Variants in LTK observed in about 807,000 individuals in gnomAD.
LTK encodes leukocyte tyrosine kinase receptor.
In LTK, 117 loss-of-function variants were observed where a neutral mutation model predicts 101.5. That is an observed-to-expected ratio of 1.15 (90% CI 0.99 to 1.34). The LOEUF (loss-of-function observed/expected upper bound fraction) is 1.34. Ranked by LOEUF, LTK falls within the 40% of genes most tolerant of loss-of-function variation. The pLI is 0.00. For missense variants in LTK, 1,252 were observed against 1,164.7 expected (o/e 1.07, Z -1.09); for synonymous variants, 563 against 494.2 (o/e 1.14, Z -1.85).
Position 41,508,251 on chromosome 15 carries a change from T to G in LTK, c.1097-30A>C, listed in dbSNP as rs779605092. 11 of 1,593,030 alleles carry G rather than the reference T, an allele frequency of 6.9e-6. No individual in the cohort carries two copies. In the South Asian group the frequency reaches 1.1e-4, roughly 16 times the overall value. ...GAGTAAAAGAACTGATATGATATGG[T>G]GTGGTAGGGCTGGGATATAGTAAAT... On this transcript the variant is annotated intron_variant, in intron 8 of 19. Transcript: ENST00000263800.
In LTK at chr15:41,512,252, C is replaced by A. The variant is rs1310595333; in HGVS notation, c.373G>T (p.Gly125Ter). ...GPGQYLISAY[G>*]AAGGKGAKNH... ...TTGGCGCCTTTGCCGCCCGCGGCTC[C>A]GTAGGCTGAGATCCTGCGGGGAACG... is the stretch of plus-strand genomic sequence containing the variant. The change falls in exon 4 of 20, where the codon GGA becomes TGA. Residue 125 changes from glycine (G) to a stop codon, truncating the protein, a stop_gained. Transcript: ENST00000263800. LOFTEE classifies it high-confidence loss of function. The A allele has an allele frequency of 1.2e-6, 2 of 1,612,258 alleles. No homozygotes were observed. The highest frequency in any genetic ancestry group is 2.7e-5 in the African/African-American group (2 of 74,902).
At chr15:41,504,734 G>C in intron 17 of LTK, 39 bp downstream of exon 17, 4 of 1,602,902 alleles carry the variant, frequency 2.5e-6, no homozygotes, top group Non-Finnish European at 3.4e-6. Flanking sequence ...CCTCAGGGGA[G>C]GGGAACAGTG....
Position 41,511,199 on chromosome 15 carries a change from G to T in LTK, c.962C>A (p.Ala321Asp). 1 of 1,394,746 alleles carries T rather than the reference G, an allele frequency of 7.2e-7. No individual in the cohort carries two copies. The highest frequency in any genetic ancestry group is 9.2e-7 in the Non-Finnish European group (1 of 1,081,346). The allele number at this position is 1,394,746 out of a possible 1,614,324, so 86.4% of individuals were successfully genotyped here. A position where few individuals can be genotyped will look rare whatever the true frequency, so the allele number is the denominator to read the frequency against. ...AAGGFGGGGG[A>D]CTAGGGGGGY... The stretch of plus-strand genomic sequence containing the variant: ...GCCGCCGCCTCCGCCCGCAGTGCAG[G>T]CCCCGCCGCCGCCCCCGAAGCCGCC... Residue 321 changes from alanine to aspartate, a missense_variant, in exon 7 of 20, where the codon GCC becomes GAC. By Grantham distance (126) the Ala-to-Asp change is moderately radical. Transcript: ENST00000263800. This position sits in a 1 kb window ranked among gnomAD's most constrained non-coding sequence, Gnocchi z 5.9.
In LTK at chr15:41,511,682, C is replaced by T. The variant is rs1477480115; in HGVS notation, c.658-104G>A. On this transcript the variant is annotated intron_variant, in intron 5 of 19. Coordinates refer to ENST00000263800, the MANE Select transcript of LTK (RefSeq NM_002344.6). The surrounding 1 kb of genome is among the most constrained non-coding windows in gnomAD (Gnocchi z 5.9). ...AGGGGGCCTGGATAAGGGCAGGGGC[C>T]CCCAGCCCAGCCCAGGCCAGCCCAG... The T allele has an allele frequency of 9.9e-6, 14 of 1,410,968 alleles. No homozygotes were observed. The East Asian group carries it at 2.7e-4, about 27-fold the overall frequency. 87.4% of individuals were successfully genotyped at this position (1,410,968 alleles called of 1,614,324 possible).
At position 41,513,642 on chromosome 15, in the gene LTK, CCCCTGACCGCCAGAT is replaced by C. The variant is rs1401144830; in HGVS notation, c.43+10_43+24del. On this transcript the variant is annotated intron_variant, in intron 1 of 19. Coordinates refer to ENST00000263800, the MANE Select transcript of LTK (RefSeq NM_002344.6). ...AGGAAAGTGCCTCAGGCTGGACGGT[CCCCTGACCGCCAGAT>C]AGCACTTACCCGCGGCTCCGAACCA... 1 of 1,611,644 alleles carries C rather than the reference CCCCTGACCGCCAGAT, an allele frequency of 6.2e-7. No individual in the cohort carries two copies. Among genetic ancestry groups the C allele is most frequent in the South Asian group, 1.1e-5 (1 of 91,034 alleles).
Position 41,505,219 on chromosome 15 carries a change from G to C in LTK, c.1914C>G (p.His638Gln). The change falls in exon 15 of 20, where the codon CAC (histidine) becomes CAG (glutamine). Residue 638 changes from histidine (H) to glutamine (Q), a missense_variant. Transcript: ENST00000263800. ...AQGCHYLEENHFIHRDIAARN... is the reference protein window; with the variant it reads ...AQGCHYLEENQFIHRDIAARN... ...GGACTGCTCCTAACCTGTGGATGAAGTGATTTTCCTCCAGGTAGTGGCAGC... is the reference window on the plus strand; with the variant it reads ...GGACTGCTCCTAACCTGTGGATGAACTGATTTTCCTCCAGGTAGTGGCAGC... The C allele has an allele frequency of 6.2e-7, 1 of 1,614,002 alleles. No homozygotes were observed. Among genetic ancestry groups the C allele is most frequent in the Non-Finnish European group, 8.5e-7 (1 of 1,179,910 alleles).
chr15:41,509,065 G>T lies in LTK; in HGVS notation c.1062C>A (p.His354Gln), dbSNP rs2051374320. 3.7e-6 allele frequency: 6 copies of T among 1,613,420 alleles called. No homozygotes were observed. The highest frequency in any genetic ancestry group is 4.2e-6 in the Non-Finnish European group (5 of 1,179,766). ...ADGEDGVSFI[H>Q]PSSELFLQPL... ...GCTGCAGGAAGAGCTCGCTGCTGGG[G>T]TGTATGAAGGATACTCCATCTTCCC... is the stretch of plus-strand genomic sequence containing the variant. The change falls in exon 8 of 20, where the codon CAC (histidine) becomes CAA (glutamine). Residue 354 changes from histidine (H) to glutamine (Q), a missense_variant. By Grantham distance (24) the His-to-Gln change is conservative. Coordinates refer to ENST00000263800, the MANE Select transcript of LTK (RefSeq NM_002344.6).
At position 41,508,219 on chromosome 15, in the gene LTK, T is replaced by A. The variant is rs1486566087; in HGVS notation, c.1099A>T (p.Thr367Ser). 5 of 1,609,702 alleles carry A rather than the reference T, an allele frequency of 3.1e-6. No homozygotes were observed. Among genetic ancestry groups the A allele is most frequent in the African/African-American group, 1.3e-5 (1 of 74,684 alleles). Reference protein sequence around the residue: ...SELFLQPLAVTENHGEVEIRR... With the variant: ...SELFLQPLAVSENHGEVEIRR... ...ATCTCTACCTCTCCGTGGTTCTCGG[T>A]GACTGTGAGTAAAAGAACTGATATG... The change falls in exon 9 of 20, where the codon ACC becomes TCC. Residue 367 changes from threonine to serine, a missense_variant and splice_region_variant. Transcript: ENST00000263800.
At chr15:41,508,755 T>C (rs1214574758) in intron 8 of LTK, among the ~76,000 whole-genome samples, 2 of 152,028 alleles carry the variant, frequency 1.3e-5, no homozygotes, top group Non-Finnish European at 2.9e-5. Context: ...AGCAAGGGGG[T>C]ACTTGAAAAG....
chr15:41,508,562 T>TA (rs869185834), intron 8 of LTK, among the ~76,000 whole-genome samples: 2 of 99,840 alleles, frequency 2.0e-5, no homozygotes, highest in African/African-American at 9.0e-5. Flanking sequence ...GTCTCAAAAA[T>TA]AAAAATAAAT....
At chr15:41,508,864 A>G (rs1395793813) in intron 8 of LTK, among the ~76,000 whole-genome samples, 167 bp downstream of exon 8, 2 of 152,144 alleles carry the variant, frequency 1.3e-5, no homozygotes, top group African/African-American at 4.8e-5. Context: ...CTGGAGTGCA[A>G]TGGCATGATG....
chr15:41,507,764 T>C (rs2051335618), intron 9 of LTK, 107 bp from the exon 10 acceptor site: 44 of 1,244,682 alleles, frequency 3.5e-5, no homozygotes, highest in Non-Finnish European at 4.6e-5. Flanking sequence ...TTTTCCATGA[T>C]GCCTTCCCCC....
Position 41,505,908 on chromosome 15 carries a change from C to T in LTK, c.1632+7G>A. ...CTACCCCCAGCCAGAAGTCCCACTCCTCTCACCTTGATAGCTACCTGCAGG... is the reference window on the plus strand; with the variant it reads ...CTACCCCCAGCCAGAAGTCCCACTCTTCTCACCTTGATAGCTACCTGCAGG... On this transcript the variant is annotated splice_region_variant and intron_variant, in intron 12 of 19. Coordinates refer to ENST00000263800, the MANE Select transcript of LTK (RefSeq NM_002344.6). The T allele has an allele frequency of 1.2e-6, 2 of 1,612,384 alleles. No homozygotes were observed. Among genetic ancestry groups the T allele is most frequent in the Non-Finnish European group, 1.7e-6 (2 of 1,178,632 alleles).
At chr15:41,504,458 C>T in intron 18 of LTK, 26 bp from the exon 19 acceptor site, 2 of 1,613,920 alleles carry the variant, frequency 1.2e-6, no homozygotes, top group Non-Finnish European at 1.7e-6. Context: ...AGTTCATGCC[C>T]ACCCATGGTT....
rs752126364 is a variant in LTK, at chr15:41,504,337, C to T, written c.2346+5G>A. On this transcript the variant is annotated splice_donor_5th_base_variant and intron_variant, in intron 19 of 19. Transcript: ENST00000263800. ...CCAGGATGTTAGATTAGGTCGGGGG[C>T]ACACCTGAGTGCAGTACTGCAGACG... The T allele has an allele frequency of 3.1e-6, 5 of 1,613,890 alleles. No homozygotes were observed. In the Admixed American group the frequency reaches 8.3e-5, roughly 27 times the overall value.
chr15:41,504,549 C>G lies in LTK; in HGVS notation c.2212G>C (p.Gly738Arg). The G allele has an allele frequency of 1.2e-6, 2 of 1,613,904 alleles. No homozygotes were observed. Among genetic ancestry groups the G allele is most frequent in the East Asian group, 2.2e-5 (1 of 44,878 alleles). Residue 738 changes from glycine to arginine, a missense_variant, in exon 18 of 20, where the codon GGA becomes CGA. Transcript: ENST00000263800. ...TNQEVLDFVV[G>R]GGRMDPPRGC... ...CTAGGAGGGTCCATCCGGCCTCCTC[C>G]AACGACGAAGTCCAGCACCTCCTGG...
In LTK at chr15:41,508,223, T is replaced by A. The variant is rs761625720; in HGVS notation, c.1097-2A>T. On this transcript the variant is annotated splice_acceptor_variant, in intron 8 of 19. Coordinates refer to ENST00000263800, the MANE Select transcript of LTK (RefSeq NM_002344.6). LOFTEE classifies it high-confidence loss of function. Reference sequence around the variant, plus strand: ...CTACCTCTCCGTGGTTCTCGGTGACTGTGAGTAAAAGAACTGATATGATAT... The same window carrying A: ...CTACCTCTCCGTGGTTCTCGGTGACAGTGAGTAAAAGAACTGATATGATAT... The A allele has an allele frequency of 2.5e-6, 4 of 1,609,020 alleles. No homozygotes were observed. The African/African-American group carries it at 5.4e-5, about 22-fold the overall frequency.
In LTK at chr15:41,507,250, C is replaced by T; in HGVS notation, c.1386G>A (p.Leu462=). 1 of 1,609,304 alleles carries T rather than the reference C, an allele frequency of 6.2e-7. No homozygotes were observed. Among genetic ancestry groups the T allele is most frequent in the Non-Finnish European group, 8.5e-7 (1 of 1,178,232 alleles). The change falls in exon 11 of 20, where the codon CTG becomes CTA. Residue 462 remains leucine, a synonymous_variant. Coordinates refer to ENST00000263800, the MANE Select transcript of LTK (RefSeq NM_002344.6). The stretch of plus-strand genomic sequence containing the variant: ...TGCTCAGCTCAAGCTCAGGGCTCGG[C>T]AGCCTCATCTCCTGCAGGCCCTGCC... ...KKWQGLQEMR[L]PSPELELSKL...
In LTK at chr15:41,511,177, G is replaced by T; in HGVS notation, c.984C>A (p.Gly328=). The T allele has an allele frequency of 2.1e-6, 3 of 1,402,712 alleles. No homozygotes were observed. Among genetic ancestry groups the T allele is most frequent in the Middle Eastern group, 2.8e-4 (1 of 3,630 alleles). The allele number at this position is 1,402,712 out of a possible 1,614,324, so 86.9% of individuals were successfully genotyped here. The stretch of plus-strand genomic sequence containing the variant: ...CGGTGCACCTACCCCTGTAGCCGCC[G>T]CCGCCTCCGCCCGCAGTGCAGGCCC... ...GGGACTAGGG[G]GGYRGGDASE... is the part of the protein sequence containing the mutation. Residue 328 remains glycine (G), a synonymous_variant, in exon 7 of 20, where the codon GGC becomes GGA. Coordinates refer to ENST00000263800, the MANE Select transcript of LTK (RefSeq NM_002344.6). The surrounding 1 kb of genome is among the most constrained non-coding windows in gnomAD (Gnocchi z 5.9).
Sources: allele counts gnomAD v4.1 joint callset (sites outside exome capture counted in the v4.1 genomes callset), GRCh38; gene constraint gnomAD v4.1.1; non-coding constraint Gnocchi (gnomAD v3.1); transcripts MANE v1.5; gene names NCBI Gene and HGNC (gene_info 2026-07-23, HGNC 2026-07-21).